The following NSUN3 variants were observed in gnomAD, a reference collection of about 807,000 sequenced individuals.
The protein encoded by NSUN3 is tRNA (cytosine(34)-C(5))-methyltransferase, mitochondrial.
A neutral mutation model predicts 36.8 loss-of-function variants in NSUN3; 24 were observed. The observed-to-expected ratio is 0.65, with a 90% CI of 0.47 to 0.92. The LOEUF (loss-of-function observed/expected upper bound fraction) is 0.92, where lower values mean the gene tolerates loss of function less well. NSUN3 is among the 40% of genes least tolerant of loss of function. The probability of loss-of-function intolerance (pLI) is 0.00; values close to 1 mark genes in which losing one functional copy is unlikely to be tolerated. For missense variants in NSUN3, 381 were observed against 392.8 expected, an observed-to-expected ratio of 0.97 and a Z score of 0.25; for synonymous variants, 146 against 145.2, an observed-to-expected ratio of 1.01 and a Z score of -0.04.
intron 5 of NSUN3, among the ~76,000 whole-genome samples, chr3:94,109,929 A>G (rs1399177708): frequency 6.6e-6 from 1 of 152,152 alleles, no homozygotes; most frequent in African/African-American, 2.4e-5. Flanking sequence ...TATTTTTCTG[A>G]TTTCTTTTTA....
At chr3:94,111,504 A>C (rs1161385176) in intron 5 of NSUN3, among the ~76,000 whole-genome samples, 1 of 152,214 alleles carries the variant, frequency 6.6e-6, no homozygotes, top group Non-Finnish European at 1.5e-5. Context: ...AGCTTAAAAC[A>C]AACATTGTAC....
intron 5 of NSUN3, among the ~76,000 whole-genome samples, chr3:94,106,276 TACTGTC>T (rs1351013450): frequency 6.6e-6 from 1 of 152,224 alleles, no homozygotes; most frequent in Non-Finnish European, 1.5e-5. Flanking sequence ...GGTAAAAACT[TACTGTC>T]AGTGGAAAGA....
intron 5 of NSUN3, among the ~76,000 whole-genome samples, chr3:94,116,767 ATTTG>A (rs1218933137): frequency 1.3e-5 from 2 of 152,146 alleles, no homozygotes; most frequent in African/African-American, 4.8e-5. Context: ...AGAATTCAGA[ATTTG>A]TTTGGATTTG....
Position 94,126,241 on chromosome 3 carries a change from G to A in NSUN3, c.774G>A (p.Gly258=). Residue 258 remains glycine (G), a synonymous_variant, in exon 6 of 6, where the codon GGG becomes GGA. Transcript: ENST00000314622. ...RSAIKALRPG[G]ILVYSTCTLS... ...CAATTAAGGCCTTACGTCCTGGAGG[G>A]ATACTTGTATACTCTACATGCACGC... The A allele has an allele frequency of 6.2e-7, 1 of 1,614,032 alleles. No homozygotes were observed. The highest frequency in any genetic ancestry group is 8.5e-7 in the Non-Finnish European group (1 of 1,179,958).
chr3:94,113,062 C>T (rs2077424496), intron 5 of NSUN3, among the ~76,000 whole-genome samples: 1 of 152,054 alleles, frequency 6.6e-6, no homozygotes, highest in Admixed American at 6.6e-5. Flanking sequence ...GACAGGGTTT[C>T]ACTGTGTTAG....
chr3:94,118,468 A>ATAAT (rs2077449181), intron 5 of NSUN3, among the ~76,000 whole-genome samples: 1 of 152,168 alleles, frequency 6.6e-6, no homozygotes, highest in South Asian at 2.1e-4. Context: ...GAATTCAATG[A>ATAAT]TGAATAATAC....
At position 94,118,157 on chromosome 3, in the gene NSUN3, C is replaced by G. The variant is rs573102663; in HGVS notation, c.744-8054C>G. On this transcript the variant is annotated intron_variant, in intron 5 of 5. Coordinates refer to ENST00000314622, the MANE Select transcript of NSUN3 (RefSeq NM_022072.5). ...TGTGGTGATGGATTTCCTAATTACC[C>G]GATTTGATCATTCTACATTGTAAAC... Among the ~76,000 whole-genome samples, 12 of 152,116 alleles carry G rather than the reference C, an allele frequency of 7.9e-5. No homozygotes were observed. In the South Asian group the frequency reaches 2.3e-3, roughly 29 times the overall value.
chr3:94,088,272 A>G (rs1010978431), intron 3 of NSUN3, among the ~76,000 whole-genome samples: 17 of 152,178 alleles, frequency 1.1e-4, no homozygotes, highest in Admixed American at 1.1e-3. Flanking sequence ...CACATTGCTT[A>G]AACCTCTGCT....
rs562848856 is a variant in NSUN3, at chr3:94,100,651, T to C, written c.743+5497T>C. ...TTACCACAAAAGAATGATAAGTTGG[T>C]GGGGTGATAGATATGCTAATTAACT... is the stretch of plus-strand genomic sequence containing the variant. On this transcript the variant is annotated intron_variant, in intron 5 of 5. Transcript: ENST00000314622. 5.3e-5 allele frequency among the ~76,000 whole-genome samples: 8 copies of C among 152,302 alleles called. No individual in the cohort carries two copies. The East Asian group carries it at 1.5e-3, about 29-fold the overall frequency.
intron 3 of NSUN3, among the ~76,000 whole-genome samples, chr3:94,090,849 A>G (rs934845661): frequency 6.6e-6 from 1 of 152,156 alleles, no homozygotes; most frequent in Admixed American, 6.5e-5. Context: ...GTGAAGGAAT[A>G]AAAAACAAAG....
At chr3:94,109,009 T>C (rs1472017280) in intron 5 of NSUN3, among the ~76,000 whole-genome samples, 1 of 152,200 alleles carries the variant, frequency 6.6e-6, no homozygotes, top group African/African-American at 2.4e-5. Flanking sequence ...TAGTTTCCGG[T>C]TGTGCTGTAT....
chr3:94,074,861 G>A (rs2077240069), intron 2 of NSUN3, among the ~76,000 whole-genome samples: 1 of 152,168 alleles, frequency 6.6e-6, no homozygotes, highest in Non-Finnish European at 1.5e-5. Flanking sequence ...AGTAGTGAGA[G>A]AGGGCATTCT....
rs139287748 is a variant in NSUN3, at chr3:94,077,857, C to A, written c.123-6250C>A. 6.4e-3 allele frequency among the ~76,000 whole-genome samples: 973 copies of A among 152,176 alleles called. 13 individuals are homozygous for A. The highest frequency in any genetic ancestry group is 0.022 in the African/African-American group (921 of 41,512). On this transcript the variant is annotated intron_variant, in intron 2 of 5. Coordinates refer to ENST00000314622, the MANE Select transcript of NSUN3 (RefSeq NM_022072.5). ...CTTCTTTATTAGTCTGGCTAGCAGTCTATCTATTTTGTTGATCTTTTCAAA... is the reference window on the plus strand; with the variant it reads ...CTTCTTTATTAGTCTGGCTAGCAGTATATCTATTTTGTTGATCTTTTCAAA...
At chr3:94,091,833 T>C (rs1271530193) in intron 3 of NSUN3, among the ~76,000 whole-genome samples, 1 of 152,230 alleles carries the variant, frequency 6.6e-6, no homozygotes, top group Non-Finnish European at 1.5e-5. Flanking sequence ...GGGGTTATCT[T>C]GTGGACCCAG....
chr3:94,087,958 T>G (rs1338704084), intron 3 of NSUN3, among the ~76,000 whole-genome samples: 1 of 152,180 alleles, frequency 6.6e-6, no homozygotes, highest in Admixed American at 6.5e-5. Flanking sequence ...TGTGAGCCAC[T>G]GAGCCCAATA....
At chr3:94,069,675 C>G (rs994048924) in intron 2 of NSUN3, among the ~76,000 whole-genome samples, 2 of 152,188 alleles carry the variant, frequency 1.3e-5, no homozygotes, top group Non-Finnish European at 2.9e-5. Context: ...ATACATTATA[C>G]AGTTTTGCAA....
chr3:94,126,724 A>G lies in NSUN3; in HGVS notation c.*234A>G, dbSNP rs2077488196. On this transcript the variant is annotated 3_prime_UTR_variant, in exon 6 of 6. Coordinates refer to ENST00000314622, the MANE Select transcript of NSUN3 (RefSeq NM_022072.5). ...GTGCAGATGGTGTTTGTTCTATATTATAAATCTGCTGTCTTTGCTTGGCAT... is the reference window on the plus strand; with the variant it reads ...GTGCAGATGGTGTTTGTTCTATATTGTAAATCTGCTGTCTTTGCTTGGCAT... The G allele has an allele frequency of 4.8e-6, 2 of 416,268 alleles. No individual in the cohort carries two copies. The highest frequency in any genetic ancestry group is 2.0e-5 in the African/African-American group (1 of 49,830). 25.8% of individuals were successfully genotyped at this position (416,268 alleles called of 1,614,324 possible).
chr3:94,110,431 C>T (rs2077411468), intron 5 of NSUN3, among the ~76,000 whole-genome samples: 1 of 151,744 alleles, frequency 6.6e-6, no homozygotes, highest in South Asian at 2.1e-4. Flanking sequence ...CTGTGAGGCC[C>T]AAATTGCTGA....
intron 3 of NSUN3, among the ~76,000 whole-genome samples, chr3:94,091,999 A>G (rs1248532896): frequency 2.0e-5 from 3 of 152,228 alleles, no homozygotes; most frequent in Admixed American, 2.0e-4. Context: ...CCACTGCCAC[A>G]AATTGAAGAG....
Sources: gnomAD v4.1 joint callset for allele counts (sites outside exome capture counted in the v4.1 genomes callset) on GRCh38, gnomAD v4.1.1 for gene constraint, MANE v1.5 for transcripts, NCBI Gene and HGNC (gene_info 2026-07-23, HGNC 2026-07-21) for gene names.